The following MICAL1 variants were observed in gnomAD, a reference collection of about 807,000 sequenced individuals.
MICAL1 encodes the protein [F-actin]-monooxygenase MICAL1.
Under a neutral mutation model 131.8 loss-of-function variants are expected in MICAL1, and 95 were observed. The ratio of observed to expected loss-of-function variants is 0.72; its 90% CI spans 0.61 to 0.86. The LOEUF is 0.86. MICAL1 is among the 40% of genes least tolerant of loss of function. The pLI is 0.00. For missense variants in MICAL1, 1,292 were observed against 1,380.6 expected (o/e 0.94, Z 1.02); for synonymous variants, 546 against 554.2 (o/e 0.99, Z 0.21).
At chr6:109,445,571 C>G (rs759981578) in intron 20 of MICAL1, 42 bp from the exon 21 acceptor site, 8 of 1,604,974 alleles carry the variant, frequency 5.0e-6, no homozygotes, top group Non-Finnish European at 6.8e-6. Flanking sequence ...GCCTGGGCCC[C>G]CTGGTGGATA....
chr6:109,446,093 C>T (rs369941370), intron 19 of MICAL1, 43 bp downstream of exon 19: 28 of 1,517,970 alleles, frequency 1.8e-5, no homozygotes, highest in Non-Finnish European at 2.4e-5. Context: ...AGTGCTCCCA[C>T]CCTGTCCCAC....
rs1305713694 is a variant in MICAL1 at position 109,444,284 on chromosome 6, C to A, written c.3111G>T (p.Leu1037=). The A allele has an allele frequency of 6.2e-7, 1 of 1,613,468 alleles. No individual in the cohort carries two copies. The highest frequency in any genetic ancestry group is 2.2e-5 in the East Asian group (1 of 44,888). Residue 1037 remains leucine (L), a synonymous_variant, in exon 25 of 25, where the codon CTG becomes CTT. Coordinates refer to ENST00000358807, the MANE Select transcript of MICAL1 (RefSeq NM_022765.4). ...CATCTCTCTGGTTGACCAAATCCACCAGCTTCCTCAGGACCTGGTCCTCAG... is the reference window on the plus strand; with the variant it reads ...CATCTCTCTGGTTGACCAAATCCACAAGCTTCCTCAGGACCTGGTCCTCAG... ...RQAEDQVLRK[L]VDLVNQRDAL...
intron 7 of MICAL1, 101 bp from the exon 8 acceptor site, chr6:109,450,658 G>T: frequency 7.5e-7 from 1 of 1,341,732 alleles, no homozygotes; most frequent in Non-Finnish European, 1.0e-6. Context: ...CTGGGGCCCA[G>T]AGAAGGAAGG....
chr6:109,456,882 TCGGCTCCAC>T (rs1358442181), upstream of MICAL1, among the ~76,000 whole-genome samples: 1 of 152,174 alleles, frequency 6.6e-6, no homozygotes, highest in Non-Finnish European at 1.5e-5. Context: ...CCCAGGTCTG[TCGGCTCCAC>T]CACCCCAGGG....
upstream of MICAL1, among the ~76,000 whole-genome samples, chr6:109,460,521 A>ACACAC (rs1775858849): frequency 1.4e-5 from 1 of 69,692 alleles, no homozygotes; most frequent in Non-Finnish European, 2.4e-5. Context: ...TATATATATA[A>ACACAC]ATACACACAC....
At chr6:109,459,861 T>C (rs886813082), upstream of MICAL1, among the ~76,000 whole-genome samples, 5 of 152,256 alleles carry the variant, frequency 3.3e-5, no homozygotes, top group African/African-American at 1.2e-4. Flanking sequence ...GTTTTGTTTT[T>C]AACTCTGATT....
upstream of MICAL1, among the ~76,000 whole-genome samples, chr6:109,459,387 T>G (rs183880355): frequency 6.6e-6 from 1 of 152,168 alleles, no homozygotes; most frequent in Non-Finnish European, 1.5e-5. Context: ...TGACATGGTA[T>G]AGTGAGGATG....
At position 109,450,057 on chromosome 6, in the gene MICAL1, G is replaced by A; in HGVS notation, c.1220C>T (p.Ala407Val). The change falls in exon 9 of 25, where the codon GCA becomes GTA. Residue 407 changes from alanine (A) to valine (V), a missense_variant. Coordinates refer to ENST00000358807, the MANE Select transcript of MICAL1 (RefSeq NM_022765.4). ...ATCAAAGGCTGCCAGGAAGCCCCGT[G>A]CCACTCCAGTGCCCAGGGGCCAGAA... Reference protein sequence around the residue: ...EPFWPLGTGVARGFLAAFDAA... With the variant: ...EPFWPLGTGVVRGFLAAFDAA... 1 of 1,614,072 alleles carries A rather than the reference G, an allele frequency of 6.2e-7. No individual in the cohort carries two copies. The highest frequency in any genetic ancestry group is 1.7e-4 in the Middle Eastern group (1 of 6,060).
At position 109,448,715 on chromosome 6, in the gene MICAL1, G is replaced by T. The variant is rs376801722; in HGVS notation, c.1664+17C>A. The T allele has an allele frequency of 1.1e-5, 17 of 1,613,300 alleles. No individual in the cohort carries two copies. In the East Asian group the frequency reaches 3.8e-4, roughly 36 times the overall value. On this transcript the variant is annotated intron_variant, in intron 12 of 24. Transcript: ENST00000358807. ...CACTGAGATCATGAGAGAGAGGTGG[G>T]TCTGCCAGGGACTCACAGCAGGCCA...
At chr6:109,460,425 TAAAAAAA>T (rs941046868), upstream of MICAL1, among the ~76,000 whole-genome samples, 1 of 88,338 alleles carries the variant, frequency 1.1e-5, no homozygotes, top group African/African-American at 4.2e-5. Context: ...AGACCCTACG[TAAAAAAA>T]AAAAAAAAAA....
rs1337497569 is a variant in MICAL1 at position 109,444,769 on chromosome 6, T to G, written c.3011A>C (p.Gln1004Pro). The G allele has an allele frequency of 3.7e-6, 6 of 1,614,038 alleles. No homozygotes were observed. The African/African-American group carries it at 8.0e-5, about 22-fold the overall frequency. The change falls in exon 24 of 25, where the codon CAG (glutamine) becomes CCG (proline). Residue 1004 changes from glutamine to proline, a missense_variant. Physicochemically the swap from Gln to Pro is moderately conservative, Grantham distance 76 (BLOSUM62 -1). Transcript: ENST00000358807. ...TVQELNLEEKQWQLDQELRGY... is the reference protein window; with the variant it reads ...TVQELNLEEKPWQLDQELRGY... Reference sequence around the variant, plus strand: ...TCGTAGCTCCTGGTCCAGCTGCCACTGTTTCTCCTCCAGATTCAATTCCTG... The same window carrying G: ...TCGTAGCTCCTGGTCCAGCTGCCACGGTTTCTCCTCCAGATTCAATTCCTG...
chr6:109,446,269 C>G lies in MICAL1; in HGVS notation c.2448G>C (p.Leu816Phe), dbSNP rs550619231. 8.9e-5 allele frequency: 143 copies of G among 1,613,538 alleles called. 1 individual carries two copies. The South Asian group carries it at 1.3e-3, about 15-fold the overall frequency. Residue 816 changes from leucine (L) to phenylalanine (F), a missense_variant, in exon 19 of 25, where the codon TTG becomes TTC. Physicochemically the swap from Leu to Phe is conservative, Grantham distance 22. Transcript: ENST00000358807. ...GGTCAGGGGTAAGGTTAAGGGAGGA[C>G]AACCGCTGGCGCTCCGGGCTGGAGA... Reference protein sequence around the residue: ...IRLSSPERQRLSSLNLTPDPE... With the variant: ...IRLSSPERQRFSSLNLTPDPE...
intron 10 of MICAL1, 72 bp from the exon 11 acceptor site, chr6:109,449,553 CG>C (rs1181546155): frequency 4.2e-5 from 67 of 1,606,990 alleles, no homozygotes; most frequent in Non-Finnish European, 5.5e-5. Context: ...AAGGGCCTGC[CG>C]GGGGTAGGAT....
chr6:109,458,019 C>A (rs538844136), upstream of MICAL1, among the ~76,000 whole-genome samples: 2 of 152,198 alleles, frequency 1.3e-5, no homozygotes, highest in South Asian at 2.1e-4. Context: ...AATTACTCAG[C>A]CTTCTCAGCC....
At position 109,455,476 on chromosome 6, in the gene MICAL1, TGA is replaced by T. The variant is rs1323553199; in HGVS notation, c.-44+241_-44+242del. 3.3e-5 allele frequency: 5 copies of T among 153,518 alleles called. No individual in the cohort carries two copies. Among genetic ancestry groups the T allele is most frequent in the African/African-American group, 1.2e-4 (5 of 41,434 alleles). The allele number at this position is 153,518 out of a possible 1,614,324, so 9.5% of individuals were successfully genotyped here. ...CCTGGAAACGCCAGGACAAAGGCTG[TGA>T]GAGGGGTGGAGCGGTCTGAAAGGAT... On this transcript the variant is annotated intron_variant, in intron 1 of 24. Coordinates refer to ENST00000358807, the MANE Select transcript of MICAL1 (RefSeq NM_022765.4). The surrounding 1 kb of genome is among the most constrained non-coding windows in gnomAD (Gnocchi z 4.7).
At chr6:109,453,452 C>A in intron 3 of MICAL1, 85 bp from the exon 4 acceptor site, 1 of 1,535,504 alleles carries the variant, frequency 6.5e-7, no homozygotes, top group African/African-American at 1.4e-5. Flanking sequence ...CAGGGTCAGA[C>A]TGGAAAAGGC....
Position 109,447,690 on chromosome 6 carries a change from C to T in MICAL1, c.1977G>A (p.Leu659=), listed in dbSNP as rs1490282962. 1 of 1,613,964 alleles carries T rather than the reference C, an allele frequency of 6.2e-7. No homozygotes were observed. Among genetic ancestry groups the T allele is most frequent in the African/African-American group, 1.3e-5 (1 of 74,874 alleles). ...CCCTGCCTGCATTCACCTCCAAGCGCAGCTTCTTGCCACCAGCATCCTCTG... is the reference window on the plus strand; with the variant it reads ...CCCTGCCTGCATTCACCTCCAAGCGTAGCTTCTTGCCACCAGCATCCTCTG... The part of the protein sequence containing the change: ...ENAEDAGGKK[L]RLEMEAETPS... Residue 659 remains leucine, a synonymous_variant, in exon 15 of 25, where the codon CTG becomes CTA. Coordinates refer to ENST00000358807, the MANE Select transcript of MICAL1 (RefSeq NM_022765.4).
Position 109,448,242 on chromosome 6 carries a change from G to A in MICAL1, c.1816C>T (p.His606Tyr). ...ATGCTCTTGAAGGCACTGTGGAAGT[G>A]GCTGAGGTAGGCAATGAGGCCCAGT... ...DPLGLIAYLS[H>Y]FHSAFKSMAH... is the part of the protein sequence containing the mutation. The change falls in exon 13 of 25, where the codon CAC (histidine) becomes TAC (tyrosine). Residue 606 changes from histidine (H) to tyrosine (Y), a missense_variant. Transcript: ENST00000358807. The A allele has an allele frequency of 6.2e-7, 1 of 1,613,564 alleles. No individual in the cohort carries two copies. Among genetic ancestry groups the A allele is most frequent in the Non-Finnish European group, 8.5e-7 (1 of 1,180,020 alleles).
Position 109,449,328 on chromosome 6 carries a change from T to C in MICAL1, c.1516+72A>G, listed in dbSNP as rs764715404. The C allele has an allele frequency of 6.6e-6, 10 of 1,510,738 alleles. No homozygotes were observed. In the East Asian group the frequency reaches 2.3e-4, roughly 34 times the overall value. The allele number at this position is 1,510,738 out of a possible 1,614,324, so 93.6% of individuals were successfully genotyped here. ...GCTCCTGTCCTGAGGCTGCAGCTGCTTTGCAGGGACCACCTGGGCCTCGCT... is the reference window on the plus strand; with the variant it reads ...GCTCCTGTCCTGAGGCTGCAGCTGCCTTGCAGGGACCACCTGGGCCTCGCT... On this transcript the variant is annotated intron_variant, in intron 11 of 24. Transcript: ENST00000358807.
Sources: allele counts gnomAD v4.1 joint callset (sites outside exome capture counted in the v4.1 genomes callset), GRCh38; gene constraint gnomAD v4.1.1; non-coding constraint Gnocchi (gnomAD v3.1); transcripts MANE v1.5; gene names NCBI Gene and HGNC (gene_info 2026-07-23, HGNC 2026-07-21).